Variants in ERICH1 observed in about 807,000 individuals in gnomAD.
ERICH1 encodes glutamate rich 1.
A neutral mutation model predicts 39.6 loss-of-function variants in ERICH1; 56 were observed. The ratio of observed to expected loss-of-function variants is 1.41; its 90% CI spans 1.14 to 1.77. ERICH1 has a LOEUF of 1.77. Among genes scored for constraint, ERICH1 ranks in the 40% most tolerant of loss-of-function variants. The probability of loss-of-function intolerance (pLI) is 0.00; values close to 1 mark genes in which losing one functional copy is unlikely to be tolerated. For missense variants in ERICH1, 826 were observed against 575.4 expected, an observed-to-expected ratio of 1.44 and a Z score of -4.45; for synonymous variants, 313 against 223.6, an observed-to-expected ratio of 1.40 and a Z score of -3.57.
At chr8:688,263 C>A (rs887718316) in intron 3 of ERICH1, among the ~76,000 whole-genome samples, 3 of 150,176 alleles carry the variant, frequency 2.0e-5, no homozygotes, top group Non-Finnish European at 4.5e-5. Flanking sequence ...CACCCCGCCC[C>A]CAGTTCCGCC....
At position 616,888 on chromosome 8, in the gene ERICH1, GACACAC is replaced by G. The variant is rs374575773; in HGVS notation, c.977-1610_977-1605del. On this transcript the variant is annotated intron_variant, in intron 3 of 3. Coordinates refer to the ERICH1 transcript ENST00000522706. ...AGAGAGAGAGGGAGAGGGAGACAGA[GACACAC>G]ACACACACAGAGAGAGAGAGAGAGA... Among the ~76,000 whole-genome samples the G allele has an allele frequency of 2.9e-4, 19 of 65,930 alleles. 1 individual carries two copies. Among genetic ancestry groups the G allele is most frequent in the African/African-American group, 6.9e-4 (8 of 11,658 alleles). 43.3% of individuals were successfully genotyped at this position (65,930 alleles called of 152,430 possible).
intron 2 of ERICH1, among the ~76,000 whole-genome samples, chr8:701,766 T>C (rs1307469766): frequency 6.6e-6 from 1 of 152,080 alleles, no homozygotes; most frequent in Non-Finnish European, 1.5e-5. Context: ...TTATATCAAC[T>C]TCTAAACAAT....
At chr8:710,248 G>A (rs993616983) in intron 2 of ERICH1, among the ~76,000 whole-genome samples, 16 of 148,624 alleles carry the variant, frequency 1.1e-4, no homozygotes, top group Non-Finnish European at 2.1e-4. Flanking sequence ...TTTCACCGTC[G>A]TGCAAATCCT....
chr8:726,745 T>A (rs967202454), intron 1 of ERICH1, among the ~76,000 whole-genome samples: 10 of 149,934 alleles, frequency 6.7e-5, no homozygotes, highest in African/African-American at 2.5e-4. Context: ...GATATGCATG[T>A]ACACGCACAC....
intron 3 of ERICH1, among the ~76,000 whole-genome samples, chr8:617,219 G>C (rs1204251998): frequency 6.6e-6 from 1 of 152,112 alleles, no homozygotes; most frequent in Non-Finnish European, 1.5e-5. Context: ...CTTCATGAAG[G>C]GCTTCCGTAA....
At chr8:624,757 C>T (rs189803508) in intron 3 of ERICH1, among the ~76,000 whole-genome samples, 28 of 151,874 alleles carry the variant, frequency 1.8e-4, no homozygotes, top group Admixed American at 7.9e-4. Flanking sequence ...GAGACAGTCT[C>T]GCTCTGTCAC....
intron 3 of ERICH1, among the ~76,000 whole-genome samples, chr8:653,016 C>T (rs981906459): frequency 6.6e-6 from 1 of 152,308 alleles, no homozygotes; most frequent in East Asian, 1.9e-4. Flanking sequence ...AAAAACGGTA[C>T]AGCCATTGTG....
intron 4 of ERICH1, 65 bp downstream of exon 4, chr8:673,224 T>C: frequency 6.7e-7 from 1 of 1,494,462 alleles, no homozygotes; most frequent in Non-Finnish European, 9.0e-7. Context: ...AGCATTATAT[T>C]TGTTTCTTTT....
At chr8:727,670 T>G (rs547552503) in intron 1 of ERICH1, among the ~76,000 whole-genome samples, 2 of 152,332 alleles carry the variant, frequency 1.3e-5, no homozygotes, top group South Asian at 2.1e-4. Context: ...GACACCAGGC[T>G]GGGTGCCTAC....
intron 5 of ERICH1, 31 bp downstream of exon 5, chr8:668,567 C>G: frequency 6.2e-7 from 1 of 1,613,228 alleles, no homozygotes; most frequent in Non-Finnish European, 8.5e-7. Flanking sequence ...GTATCTTAAG[C>G]AGGACCTTGA....
At chr8:705,724 G>A (rs77270102) in intron 2 of ERICH1, among the ~76,000 whole-genome samples, 47 of 152,308 alleles carry the variant, frequency 3.1e-4, no homozygotes, top group African/African-American at 1.0e-3. Flanking sequence ...AGGGCATCCA[G>A]ACTGGACAGG....
chr8:637,120 CTT>C (rs1798498277), intron 3 of ERICH1, among the ~76,000 whole-genome samples: 1 of 152,200 alleles, frequency 6.6e-6, no homozygotes, highest in Non-Finnish European at 1.5e-5. Context: ...CTGCTTCTCT[CTT>C]CTCTCTGCAG....
chr8:731,177 G>T lies in ERICH1; in HGVS notation c.-16C>A, dbSNP rs764620302. The T allele has an allele frequency of 1.3e-6, 2 of 1,503,408 alleles. No homozygotes were observed. The highest frequency in any genetic ancestry group is 1.3e-5 in the South Asian group (1 of 79,856). 93.1% of individuals were successfully genotyped at this position (1,503,408 alleles called of 1,614,324 possible). On this transcript the variant is annotated 5_prime_UTR_variant, in exon 1 of 6. Transcript: ENST00000262109. Reference sequence around the variant, plus strand: ...GCGCCGCCATGCGGGACCCTGCCGCGGACCTCAGACCACGGCGCGCGGTCC... The same window carrying T: ...GCGCCGCCATGCGGGACCCTGCCGCTGACCTCAGACCACGGCGCGCGGTCC...
chr8:730,913 G>C (rs531680733), intron 1 of ERICH1, among the ~76,000 whole-genome samples: 1 of 152,324 alleles, frequency 6.6e-6, no homozygotes, highest in East Asian at 1.9e-4. Flanking sequence ...GGCCTGGCAG[G>C]GCCGGCCCGA....
intron 3 of ERICH1, chr8:656,888 T>C (rs1366337649): frequency 4.2e-6 from 4 of 959,702 alleles, no homozygotes; most frequent in Non-Finnish European, 5.0e-6. Flanking sequence ...TTAAACATTA[T>C]GGATTAATTC....
At chr8:720,773 C>A (rs1817134231) in intron 1 of ERICH1, among the ~76,000 whole-genome samples, 1 of 152,188 alleles carries the variant, frequency 6.6e-6, no homozygotes, top group South Asian at 2.1e-4. Flanking sequence ...TGAAGGGGCT[C>A]CATGTTGCAT....
intron 2 of ERICH1, among the ~76,000 whole-genome samples, chr8:712,933 T>G (rs1815089695): frequency 2.6e-5 from 4 of 152,222 alleles, no homozygotes; most frequent in Admixed American, 2.6e-4. Context: ...GACAGTGCAT[T>G]AGCTTTCTAG....
intron 1 of ERICH1, among the ~76,000 whole-genome samples, chr8:728,014 T>G (rs1021807377): frequency 2.0e-5 from 3 of 152,190 alleles, no homozygotes; most frequent in Admixed American, 1.3e-4. Flanking sequence ...CTCCTCTGAC[T>G]GCTCAGGGCT....
At chr8:665,261 C>T (rs1213887584) in intron 5 of ERICH1, among the ~76,000 whole-genome samples, 2 of 152,030 alleles carry the variant, frequency 1.3e-5, no homozygotes, top group Non-Finnish European at 2.9e-5. Context: ...GCCCACTGGT[C>T]CCCGGCTCCG....
Sources: gnomAD v4.1 joint callset for allele counts (sites outside exome capture counted in the v4.1 genomes callset) on GRCh38, gnomAD v4.1.1 for gene constraint, MANE v1.5 for transcripts, NCBI Gene and HGNC (gene_info 2026-07-23, HGNC 2026-07-21) for gene names.